UBE2L3: variants seen among roughly 807,000 people sequenced by gnomAD.
UBE2L3 encodes the protein ubiquitin-conjugating enzyme E2 L3.
UBE2L3 carries 1 observed loss-of-function variant against 17.8 expected under a neutral mutation model. That is an observed-to-expected ratio of 0.06 (90% CI 0.02 to 0.27). UBE2L3 has a LOEUF of 0.27. Ranked by LOEUF, UBE2L3 falls within the 10% of genes least tolerant of loss-of-function variation. The pLI, the probability that UBE2L3 is intolerant of heterozygous loss-of-function variation, is 1.00. For synonymous variants in UBE2L3, 44 were observed against 68.5 expected (o/e 0.64, Z 1.76); for missense variants, 40 against 192.6 (o/e 0.21, Z 4.69).
chr22:21,601,570 A>G (rs1485731883), intron 2 of UBE2L3, among the ~76,000 whole-genome samples: 1 of 151,776 alleles, frequency 6.6e-6, no homozygotes, highest in Admixed American at 6.6e-5. Context: ...TCACCTCAGC[A>G]TCCCAAAGTG....
At chr22:21,616,018 G>T (rs1929751882) in intron 3 of UBE2L3, among the ~76,000 whole-genome samples, 1 of 152,080 alleles carries the variant, frequency 6.6e-6, no homozygotes, top group African/African-American at 2.4e-5. Context: ...GCTTTATTTG[G>T]GCATGAGTTA....
intron 2 of UBE2L3, among the ~76,000 whole-genome samples, chr22:21,600,485 C>T (rs939529522): frequency 6.6e-6 from 1 of 152,026 alleles, no homozygotes; most frequent in East Asian, 1.9e-4. Flanking sequence ...CACTTGAGGT[C>T]GGGAGTTCAA....
chr22:21,603,797 A>G (rs1178006972), intron 2 of UBE2L3, among the ~76,000 whole-genome samples: 2 of 150,708 alleles, frequency 1.3e-5, no homozygotes, highest in African/African-American at 2.5e-5. Flanking sequence ...AGATTGCGCC[A>G]CTGCACTCCA....
intron 1 of UBE2L3, among the ~76,000 whole-genome samples, chr22:21,587,937 A>T (rs1483638208): frequency 1.3e-5 from 2 of 152,126 alleles, no homozygotes; most frequent in African/African-American, 4.8e-5. Flanking sequence ...TGGGCTCCGA[A>T]GTGGACCTCA....
intron 2 of UBE2L3, among the ~76,000 whole-genome samples, chr22:21,610,654 T>G (rs1601437648): frequency 1.3e-5 from 2 of 152,214 alleles, no homozygotes; most frequent in East Asian, 1.9e-4. Context: ...GACATCAATC[T>G]CAAGCCCCTT....
At chr22:21,614,168 A>G (rs1012069408) in intron 3 of UBE2L3, among the ~76,000 whole-genome samples, 1 of 152,118 alleles carries the variant, frequency 6.6e-6, no homozygotes, top group Non-Finnish European at 1.5e-5. Context: ...CTGATTCTTC[A>G]TATGTTGGGT....
At chr22:21,595,007 C>T (rs1928441509) in intron 2 of UBE2L3, among the ~76,000 whole-genome samples, 1 of 152,222 alleles carries the variant, frequency 6.6e-6, no homozygotes, top group Non-Finnish European at 1.5e-5. Flanking sequence ...TGCTGCTGGG[C>T]ATGCTCTGCC....
intron 1 of UBE2L3, among the ~76,000 whole-genome samples, chr22:21,592,321 T>C (rs1218367080): frequency 1.3e-5 from 2 of 148,500 alleles, no homozygotes; most frequent in Non-Finnish European, 3.0e-5. Flanking sequence ...TGTGCCCATG[T>C]TGAGGTGGAG....
chr22:21,603,035 A>G (rs1402786565), intron 2 of UBE2L3, among the ~76,000 whole-genome samples: 1 of 152,148 alleles, frequency 6.6e-6, no homozygotes. Context: ...TGGGCTGGAG[A>G]TGGCACGGAA....
chr22:21,591,552 C>T (rs754182321), intron 1 of UBE2L3, among the ~76,000 whole-genome samples: 1 of 152,246 alleles, frequency 6.6e-6, no homozygotes, highest in Non-Finnish European at 1.5e-5. Context: ...GAACCAGTAA[C>T]CTGGGCTCCG....
At chr22:21,591,516 G>A (rs1167476881) in intron 1 of UBE2L3, among the ~76,000 whole-genome samples, 1 of 152,168 alleles carries the variant, frequency 6.6e-6, no homozygotes, top group African/African-American at 2.4e-5. Context: ...GCTCTGGGCC[G>A]GGCGCCCAGC....
chr22:21,590,214 C>T (rs537414916), intron 1 of UBE2L3, among the ~76,000 whole-genome samples: 11 of 151,490 alleles, frequency 7.3e-5, no homozygotes, highest in South Asian at 2.1e-4. Context: ...TTTATTTTTT[C>T]GAGACAGAGT....
intron 1 of UBE2L3, among the ~76,000 whole-genome samples, chr22:21,590,451 G>A (rs565213426): frequency 6.6e-6 from 1 of 152,328 alleles, no homozygotes; most frequent in African/African-American, 2.4e-5. Flanking sequence ...ACCCACCTTG[G>A]CTTCCCAAAG....
intron 1 of UBE2L3, among the ~76,000 whole-genome samples, chr22:21,585,472 C>T (rs1927884826): frequency 6.6e-6 from 1 of 152,218 alleles, no homozygotes; most frequent in East Asian, 1.9e-4. Flanking sequence ...CTACATCTCT[C>T]TCAGCCCACT....
chr22:21,600,813 C>T (rs1463558879), intron 2 of UBE2L3, among the ~76,000 whole-genome samples: 2 of 152,144 alleles, frequency 1.3e-5, no homozygotes, highest in East Asian at 1.9e-4. Flanking sequence ...CAAGATGAAT[C>T]TCATGTGGCA....
intron 3 of UBE2L3, among the ~76,000 whole-genome samples, chr22:21,618,348 A>T (rs1005165791): frequency 6.6e-6 from 1 of 152,062 alleles, no homozygotes; most frequent in African/African-American, 2.4e-5. Context: ...GTGGATCACG[A>T]GGTCAGGAGA....
intron 1 of UBE2L3, among the ~76,000 whole-genome samples, chr22:21,556,024 C>G (rs1296964013): frequency 1.3e-5 from 2 of 152,250 alleles, no homozygotes; most frequent in Non-Finnish European, 2.9e-5. Context: ...TACTTGAGCT[C>G]TGAAGTTTGA....
intron 3 of UBE2L3, among the ~76,000 whole-genome samples, chr22:21,613,755 A>C (rs1363239218): frequency 3.3e-5 from 5 of 152,164 alleles, no homozygotes; most frequent in African/African-American, 1.2e-4. Flanking sequence ...AGCTGTATTG[A>C]GGTGGGAACT....
chr22:21,606,323 G>T (rs1303093158), intron 2 of UBE2L3, among the ~76,000 whole-genome samples: 1 of 152,044 alleles, frequency 6.6e-6, no homozygotes, highest in Non-Finnish European at 1.5e-5. Context: ...GTATGTGTGT[G>T]TGTGTGTGGT....
Sources: gnomAD v4.1 joint callset for allele counts (sites outside exome capture counted in the v4.1 genomes callset) on GRCh38, gnomAD v4.1.1 for gene constraint, MANE v1.5 for transcripts, NCBI Gene and HGNC (gene_info 2026-07-23, HGNC 2026-07-21) for gene names.